Variants in ZNF492 observed in about 807,000 individuals in gnomAD.
The protein encoded by ZNF492 is zinc finger protein 492.
ZNF492 carries 3 observed loss-of-function variants against 6.4 expected under a neutral mutation model. The ratio of observed to expected loss-of-function variants is 0.47; its 90% CI spans 0.21 to 1.22. The LOEUF (loss-of-function observed/expected upper bound fraction) is 1.22, where lower values mean the gene tolerates loss of function less well. Among genes scored for constraint, ZNF492 ranks in the 50% most tolerant of loss-of-function variants. The pLI is 0.22. For synonymous variants in ZNF492, 112 were observed against 205.3 expected (o/e 0.55, Z 3.89); for missense variants, 356 against 612.5 (o/e 0.58, Z 4.42).
At chr19:22,636,045 C>T (rs1345408509) in intron 1 of ZNF492, among the ~76,000 whole-genome samples, 1 of 151,992 alleles carries the variant, frequency 6.6e-6, no homozygotes, top group Non-Finnish European at 1.5e-5. Context: ...CTAGGCCTCA[C>T]TGTCTGTTGT....
intron 1 of ZNF492, among the ~76,000 whole-genome samples, chr19:22,638,650 G>T (rs1208171832): frequency 6.6e-6 from 1 of 152,078 alleles, no homozygotes. Context: ...GTAATGTAAT[G>T]ACTTCAGCTT....
chr19:22,654,399 G>A (rs1212753202), intron 3 of ZNF492, among the ~76,000 whole-genome samples: 1 of 152,036 alleles, frequency 6.6e-6, no homozygotes, highest in Non-Finnish European at 1.5e-5. Context: ...TGTCCTAAAT[G>A]TGTGAGAGCA....
At chr19:22,642,960 G>A (rs980421200) in intron 1 of ZNF492, among the ~76,000 whole-genome samples, 4 of 152,142 alleles carry the variant, frequency 2.6e-5, no homozygotes, top group African/African-American at 9.7e-5. Context: ...GCAGGCTGAA[G>A]TACTTACAAT....
At chr19:22,636,311 C>T (rs893567725) in intron 1 of ZNF492, among the ~76,000 whole-genome samples, 10 of 152,024 alleles carry the variant, frequency 6.6e-5, no homozygotes, top group African/African-American at 2.4e-4. Context: ...GTTGGTCAGG[C>T]TGGTCTTGAA....
chr19:22,655,675 A>AATT (rs2033181034), intron 3 of ZNF492, among the ~76,000 whole-genome samples: 2 of 109,416 alleles, frequency 1.8e-5, no homozygotes, highest in African/African-American at 4.1e-5. Context: ...CAGTGACTTA[A>AATT]TTTTTTTTTT....
chr19:22,652,694 C>G (rs1335759283), intron 1 of ZNF492, among the ~76,000 whole-genome samples: 2 of 151,860 alleles, frequency 1.3e-5, no homozygotes, highest in Non-Finnish European at 2.9e-5. Context: ...ATTCTCCTGC[C>G]TCAGCCTCCC....
chr19:22,653,455 A>T (rs1263688181), intron 2 of ZNF492, 22 bp downstream of exon 2: 1 of 1,610,912 alleles, frequency 6.2e-7, no homozygotes, highest in South Asian at 1.1e-5. Flanking sequence ...TTCAATATAC[A>T]ATTCCCTAAT....
chr19:22,637,793 C>G (rs1226506066), intron 1 of ZNF492, among the ~76,000 whole-genome samples: 1 of 152,110 alleles, frequency 6.6e-6, no homozygotes, highest in Non-Finnish European at 1.5e-5. Flanking sequence ...TGTGAGGAAT[C>G]GTCACACTAC....
intron 1 of ZNF492, among the ~76,000 whole-genome samples, chr19:22,640,123 GTTC>G (rs1359747908): frequency 2.0e-5 from 3 of 151,622 alleles, no homozygotes; most frequent in Non-Finnish European, 4.4e-5. Flanking sequence ...TCTGTCTTCA[GTTC>G]TTATTATGTG....
chr19:22,645,816 A>C (rs967150603), intron 1 of ZNF492, among the ~76,000 whole-genome samples: 18 of 152,262 alleles, frequency 1.2e-4, no homozygotes, highest in African/African-American at 4.3e-4. Context: ...GGTTTGTTGA[A>C]TATCAGATGG....
chr19:22,635,794 TTTTC>T, intron 1 of ZNF492, among the ~76,000 whole-genome samples: 1 of 151,852 alleles, frequency 6.6e-6, no homozygotes, highest in East Asian at 2.0e-4. Context: ...CCTAAAGTCA[TTTTC>T]TTTCGTAGGA....
intron 1 of ZNF492, among the ~76,000 whole-genome samples, chr19:22,652,770 AG>A (rs1971954406): frequency 6.6e-6 from 1 of 151,946 alleles, no homozygotes; most frequent in Non-Finnish European, 1.5e-5. Context: ...TAGTAGAGAC[AG>A]GGTTTCACCG....
intron 1 of ZNF492, 117 bp downstream of exon 1, chr19:22,634,591 A>C (rs534965519): frequency 4.6e-6 from 5 of 1,097,252 alleles, no homozygotes; most frequent in Non-Finnish European, 6.7e-6. Context: ...CTGCGCCCCA[A>C]GTTCGCCTTG....
At chr19:22,646,756 C>A (rs1426396717) in intron 1 of ZNF492, among the ~76,000 whole-genome samples, 3 of 152,170 alleles carry the variant, frequency 2.0e-5, no homozygotes, top group Non-Finnish European at 4.4e-5. Flanking sequence ...AAGGCCATTT[C>A]TGCATCTATT....
chr19:22,649,959 T>TC (rs1971922778), intron 1 of ZNF492, among the ~76,000 whole-genome samples: 1 of 152,192 alleles, frequency 6.6e-6, no homozygotes, highest in Non-Finnish European at 1.5e-5. Context: ...TTTGTCTATC[T>TC]CATTCTCCAT....
chr19:22,643,216 G>C (rs1971845922), intron 1 of ZNF492, among the ~76,000 whole-genome samples: 2 of 152,156 alleles, frequency 1.3e-5, no homozygotes, highest in Non-Finnish European at 2.9e-5. Context: ...AGAGGTTGCA[G>C]TAAGCGCACA....
chr19:22,640,318 C>G (rs7507688), intron 1 of ZNF492, among the ~76,000 whole-genome samples: 2 of 151,858 alleles, frequency 1.3e-5, no homozygotes, highest in African/African-American at 4.8e-5. Flanking sequence ...CTTGCTACCA[C>G]GCTCGGCTAA....
chr19:22,639,205 C>G (rs2145242115), intron 1 of ZNF492, among the ~76,000 whole-genome samples: 1 of 152,212 alleles, frequency 6.6e-6, no homozygotes, highest in Non-Finnish European at 1.5e-5. Context: ...TCTCTGACTT[C>G]AAGCAGTGTT....
chr19:22,637,455 G>T (rs1971781011), intron 1 of ZNF492, among the ~76,000 whole-genome samples: 1 of 151,896 alleles, frequency 6.6e-6, no homozygotes, highest in Non-Finnish European at 1.5e-5. Flanking sequence ...ACCAGGCCTG[G>T]CTAATTTTTT....
Sources: gnomAD v4.1 joint callset for allele counts (sites outside exome capture counted in the v4.1 genomes callset) on GRCh38, gnomAD v4.1.1 for gene constraint, MANE v1.5 for transcripts, NCBI Gene and HGNC (gene_info 2026-07-23, HGNC 2026-07-21) for gene names.